AGPAT4: variants seen among roughly 807,000 people sequenced by gnomAD.
The protein encoded by AGPAT4 is 1-acyl-sn-glycerol-3-phosphate acyltransferase delta.
A neutral mutation model predicts 48.0 loss-of-function variants in AGPAT4; 15 were observed. The ratio of observed to expected loss-of-function variants is 0.31; its 90% confidence interval spans 0.21 to 0.48. The LOEUF (loss-of-function observed/expected upper bound fraction) is 0.48, where lower values mean the gene tolerates loss of function less well. Among genes scored for constraint, AGPAT4 ranks in the 20% least tolerant of loss-of-function variants. The probability of loss-of-function intolerance (pLI) is 0.99; values close to 1 mark genes in which losing one functional copy is unlikely to be tolerated. For missense variants in AGPAT4, 314 were observed against 482.5 expected (o/e 0.65, Z 3.27); for synonymous variants, 178 against 198.7 (o/e 0.90, Z 0.88).
intron 5 of AGPAT4, among the ~76,000 whole-genome samples, chr6:161,152,901 T>C (rs140611396): frequency 5.8e-4 from 88 of 152,292 alleles, no homozygotes; most frequent in African/African-American, 2.1e-3. Context: ...GTTGTTGCTA[T>C]TTTCTTCTTC....
chr6:161,162,256 G>A (rs999983273), intron 3 of AGPAT4, among the ~76,000 whole-genome samples: 9 of 152,326 alleles, frequency 5.9e-5, no homozygotes, highest in Middle Eastern at 3.4e-3. Flanking sequence ...TGGCACCCAC[G>A]CCCCTGCACA....
rs1583295631 is a variant in AGPAT4, at chr6:161,165,486, A to C, written c.348+762T>G. On this transcript the variant is annotated intron_variant, in intron 3 of 8. Transcript: ENST00000320285. The surrounding 1 kb of genome is among the most constrained non-coding windows in gnomAD (Gnocchi z 5.5). ...ACAGGGCATTGTTCCCAGGTGCAAA[A>C]CCTGATCTCTAAGTTCTGGTGCAAA... 2.3e-6 allele frequency: 2 copies of C among 858,396 alleles called. No homozygotes were observed. Among genetic ancestry groups the C allele is most frequent in the South Asian group, 4.0e-5 (2 of 49,596 alleles). The allele number at this position is 858,396 out of a possible 1,614,324, so 53.2% of individuals were successfully genotyped here.
At chr6:161,250,333 A>T (rs1413008237) in intron 1 of AGPAT4, among the ~76,000 whole-genome samples, 5 of 152,224 alleles carry the variant, frequency 3.3e-5, no homozygotes, top group Admixed American at 6.5e-5. Context: ...TGTATCCCTG[A>T]ACTTAAAATA....
rs143859936 is a variant in AGPAT4 at position 161,214,287 on chromosome 6, C to T, written c.178+17749G>A. On this transcript the variant is annotated intron_variant, in intron 2 of 8. Transcript: ENST00000320285. This position sits in a 1 kb window ranked among gnomAD's most constrained non-coding sequence, Gnocchi z 5.4. ...ACCACCTGGGCACATGTTGTCAGGA[C>T]CTCCTGAGGCTGTGTCACAGGCACA... Among the ~76,000 whole-genome samples the T allele has an allele frequency of 4.6e-5, 7 of 152,278 alleles. No homozygotes were observed. Among genetic ancestry groups the T allele is most frequent in the Middle Eastern group, 6.8e-3 (2 of 294 alleles).
rs1404158458 is a variant in AGPAT4, at chr6:161,261,951, C to T, written c.-90+11987G>A. Among the ~76,000 whole-genome samples, 2 of 152,110 alleles carry T rather than the reference C, an allele frequency of 1.3e-5. No individual in the cohort carries two copies. The highest frequency in any genetic ancestry group is 4.8e-5 in the African/African-American group (2 of 41,418). The stretch of plus-strand genomic sequence containing the variant: ...GTGCAGCCCTGGGAAGACTGCTGAC[C>T]CCCAGGCTCCCCATCTGTGAAATGG... On this transcript the variant is annotated intron_variant, in intron 1 of 8. Transcript: ENST00000320285. This position sits in a 1 kb window ranked among gnomAD's most constrained non-coding sequence, Gnocchi z 5.3.
chr6:161,217,012 G>A lies in AGPAT4; in HGVS notation c.178+15024C>T, dbSNP rs897450523. Reference sequence around the variant, plus strand: ...TTCACCTTTGCTCACCTGCTGATGCGGTTCTCATGTTACACGTGTTCTTCA... The same window carrying A: ...TTCACCTTTGCTCACCTGCTGATGCAGTTCTCATGTTACACGTGTTCTTCA... On this transcript the variant is annotated intron_variant, in intron 2 of 8. Transcript: ENST00000320285. This position sits in a 1 kb window ranked among gnomAD's most constrained non-coding sequence, Gnocchi z 4.9. Among the ~76,000 whole-genome samples the A allele has an allele frequency of 6.6e-6, 1 of 152,132 alleles. No individual in the cohort carries two copies. Among genetic ancestry groups the A allele is most frequent in the Admixed American group, 6.5e-5 (1 of 15,270 alleles).
At chr6:161,145,587 T>C (rs1385970750) in intron 7 of AGPAT4, among the ~76,000 whole-genome samples, 1 of 151,708 alleles carries the variant, frequency 6.6e-6, no homozygotes, top group East Asian at 1.9e-4. Context: ...TCCATCATAC[T>C]AGAGTCTGTT....
rs768928549 is a variant in AGPAT4 at position 161,189,969 on chromosome 6, T to C, written c.179-23552A>G. Among the ~76,000 whole-genome samples the C allele has an allele frequency of 3.9e-5, 6 of 152,320 alleles. No individual in the cohort carries two copies. The highest frequency in any genetic ancestry group is 4.8e-5 in the African/African-American group (2 of 41,564). On this transcript the variant is annotated intron_variant, in intron 2 of 8. Coordinates refer to ENST00000320285, the MANE Select transcript of AGPAT4 (RefSeq NM_020133.3). The surrounding 1 kb of genome is among the most constrained non-coding windows in gnomAD (Gnocchi z 5.3). ...GTTTAATTGGAGCATTTCTTTTCCT[T>C]TCTTAGAGATGCATAATAAATATGC...
intron 2 of AGPAT4, among the ~76,000 whole-genome samples, chr6:161,170,930 C>A (rs367882209): frequency 3.3e-5 from 5 of 152,230 alleles, no homozygotes; most frequent in African/African-American, 1.2e-4. Flanking sequence ...TGCTCCATCT[C>A]GTTCTCTTCC....
Position 161,146,637 on chromosome 6 carries a change from T to C in AGPAT4, c.768-38A>G. 6.3e-7 allele frequency: 1 copy of C among 1,596,386 alleles called. No individual in the cohort carries two copies. The highest frequency in any genetic ancestry group is 8.6e-7 in the Non-Finnish European group (1 of 1,164,302). On this transcript the variant is annotated intron_variant, in intron 6 of 8. Transcript: ENST00000320285. The surrounding 1 kb of genome is among the most constrained non-coding windows in gnomAD (Gnocchi z 7.1). Reference sequence around the variant, plus strand: ...AGAGCAGCTAGCAGAGAGGAGGTGATGCCCCCCTACAACATACAGTTTCCA... The same window carrying C: ...AGAGCAGCTAGCAGAGAGGAGGTGACGCCCCCCTACAACATACAGTTTCCA...
Position 161,178,378 on chromosome 6 carries a change from A to C in AGPAT4, c.179-11961T>G, listed in dbSNP as rs1297552193. 1.3e-5 allele frequency among the ~76,000 whole-genome samples: 2 copies of C among 152,206 alleles called. No individual in the cohort carries two copies. The highest frequency in any genetic ancestry group is 2.9e-5 in the Non-Finnish European group (2 of 68,034). ...CTCGCTGCCGCCTTGCAGTTCGATC[A>C]GACTTCTGTGCTAGCAATGAGCAAG... On this transcript the variant is annotated intron_variant, in intron 2 of 8. Coordinates refer to ENST00000320285, the MANE Select transcript of AGPAT4 (RefSeq NM_020133.3). The surrounding 1 kb of genome is among the most constrained non-coding windows in gnomAD (Gnocchi z 5.1).
chr6:161,247,948 C>G (rs1315034023), intron 1 of AGPAT4, among the ~76,000 whole-genome samples: 1 of 137,570 alleles, frequency 7.3e-6, no homozygotes, highest in African/African-American at 2.8e-5. Context: ...TTCCATTGCA[C>G]TCCAGCCTGG....
intron 4 of AGPAT4, among the ~76,000 whole-genome samples, 200 bp from the exon 5 acceptor site, chr6:161,153,699 TGTCATGCCTGGCCCTGGG>T (rs1562314958): frequency 1.5e-5 from 1 of 65,570 alleles, no homozygotes; most frequent in African/African-American, 6.2e-5. Context: ...ACAGCCCTGG[TGTCATGCCTGGCCCTGGG>T]GTCACACACA....
rs1779246340 is a variant in AGPAT4 at position 161,141,452 on chromosome 6, T to G, written c.844-1832A>C. Among the ~76,000 whole-genome samples, 1 of 151,644 alleles carries G rather than the reference T, an allele frequency of 6.6e-6. No homozygotes were observed. Among genetic ancestry groups the G allele is most frequent in the African/African-American group, 2.4e-5 (1 of 41,208 alleles). On this transcript the variant is annotated intron_variant, in intron 7 of 8. Coordinates refer to ENST00000320285, the MANE Select transcript of AGPAT4 (RefSeq NM_020133.3). This position sits in a 1 kb window ranked among gnomAD's most constrained non-coding sequence, Gnocchi z 6.7. ...GCAGCACAGGCAATGCCCAGAGAGGTGGCACCCAACTCTGCCAGGGAAGCA... is the reference window on the plus strand; with the variant it reads ...GCAGCACAGGCAATGCCCAGAGAGGGGGCACCCAACTCTGCCAGGGAAGCA...
In AGPAT4 at chr6:161,244,701, C is replaced by A. The variant is rs530447332; in HGVS notation, c.-89-12399G>T. 6.6e-6 allele frequency among the ~76,000 whole-genome samples: 1 copy of A among 152,148 alleles called. No homozygotes were observed. The highest frequency in any genetic ancestry group is 2.4e-5 in the African/African-American group (1 of 41,444). ...TCTGACATCTCCGATCCAGTAAAGCCGACAAGGGTGCACACATCTCTCCCT... is the reference window on the plus strand; with the variant it reads ...TCTGACATCTCCGATCCAGTAAAGCAGACAAGGGTGCACACATCTCTCCCT... On this transcript the variant is annotated intron_variant, in intron 1 of 8. Coordinates refer to ENST00000320285, the MANE Select transcript of AGPAT4 (RefSeq NM_020133.3). The surrounding 1 kb of genome is among the most constrained non-coding windows in gnomAD (Gnocchi z 4.7).
rs569605141 is a variant in AGPAT4, at chr6:161,197,305, C to A, written c.179-30888G>T. 6.6e-6 allele frequency among the ~76,000 whole-genome samples: 1 copy of A among 152,162 alleles called. No homozygotes were observed. The highest frequency in any genetic ancestry group is 2.4e-5 in the African/African-American group (1 of 41,430). Reference sequence around the variant, plus strand: ...ACTGCTAGGGACATTAAAGAACTAGCGTTCCATAAAACAGTTTGGGAAATA... The same window carrying A: ...ACTGCTAGGGACATTAAAGAACTAGAGTTCCATAAAACAGTTTGGGAAATA... On this transcript the variant is annotated intron_variant, in intron 2 of 8. Coordinates refer to ENST00000320285, the MANE Select transcript of AGPAT4 (RefSeq NM_020133.3). The surrounding 1 kb of genome is among the most constrained non-coding windows in gnomAD (Gnocchi z 5.7).
At chr6:161,257,160 A>T (rs940426061) in intron 1 of AGPAT4, among the ~76,000 whole-genome samples, 2 of 152,250 alleles carry the variant, frequency 1.3e-5, no homozygotes, top group African/African-American at 2.4e-5. Flanking sequence ...TTAAAATTAG[A>T]TGAATGCTAA....
intron 1 of AGPAT4, among the ~76,000 whole-genome samples, chr6:161,248,518 G>A (rs139154184): frequency 0.026 from 3,740 of 146,074 alleles, 70 homozygotes; most frequent in South Asian, 0.043. Context: ...AGCTTGCAGT[G>A]AGCCAAGATC....
Position 161,218,026 on chromosome 6 carries a change from C to T in AGPAT4, c.178+14010G>A, listed in dbSNP as rs375180734. 1.2e-4 allele frequency among the ~76,000 whole-genome samples: 18 copies of T among 152,252 alleles called. No individual in the cohort carries two copies. Among genetic ancestry groups the T allele is most frequent in the East Asian group, 9.6e-4 (5 of 5,200 alleles). ...GATGCCTGCAAAGACCAATTGAACA[C>T]GTATGCATTCACCGGGAATGCCCTG... On this transcript the variant is annotated intron_variant, in intron 2 of 8. Coordinates refer to ENST00000320285, the MANE Select transcript of AGPAT4 (RefSeq NM_020133.3). The surrounding 1 kb of genome is among the most constrained non-coding windows in gnomAD (Gnocchi z 4.7).
Sources: gnomAD v4.1 joint callset for allele counts (sites outside exome capture counted in the v4.1 genomes callset) on GRCh38, gnomAD v4.1.1 for gene constraint, Gnocchi (gnomAD v3.1) non-coding constraint, MANE v1.5 for transcripts, NCBI Gene and HGNC (gene_info 2026-07-23, HGNC 2026-07-21) for gene names.